CDK17: variants seen among roughly 807,000 people sequenced by gnomAD.
CDK17 encodes the protein cyclin-dependent kinase 17.
CDK17 carries 24 observed loss-of-function variants against 77.6 expected under a neutral mutation model. The ratio of observed to expected loss-of-function variants is 0.31; its 90% CI spans 0.22 to 0.44. The LOEUF is 0.44. Ranked by LOEUF, CDK17 falls within the 20% of genes least tolerant of loss-of-function variation. The pLI, the probability that CDK17 is intolerant of heterozygous loss-of-function variation, is 1.00. For missense variants in CDK17, 429 were observed against 622.5 expected (o/e 0.69, Z 3.31); for synonymous variants, 203 against 210.4 (o/e 0.96, Z 0.30).
intron 1 of CDK17, among the ~76,000 whole-genome samples, chr12:96,394,543 G>A (rs1954133696): frequency 1.3e-5 from 2 of 151,860 alleles, no homozygotes; most frequent in Non-Finnish European, 2.9e-5. Flanking sequence ...GCACGGGTAC[G>A]GTGTCTCATA....
chr12:96,339,301 C>A (rs1009068904), intron 1 of CDK17, among the ~76,000 whole-genome samples: 2 of 151,970 alleles, frequency 1.3e-5, no homozygotes, highest in Non-Finnish European at 1.5e-5. Flanking sequence ...TTGAAAAGTA[C>A]GTAGTCCAAA....
chr12:96,369,493 G>A (rs1455094201), intron 1 of CDK17, among the ~76,000 whole-genome samples: 1 of 151,754 alleles, frequency 6.6e-6, no homozygotes, highest in Non-Finnish European at 1.5e-5. Flanking sequence ...TTAAAAAAAT[G>A]TTGGCTGGGC....
intron 1 of CDK17, among the ~76,000 whole-genome samples, chr12:96,349,416 G>A (rs748999390): frequency 1.3e-5 from 2 of 151,424 alleles, no homozygotes; most frequent in African/African-American, 4.9e-5. Context: ...TTGGGCCATT[G>A]CACTCCAGTC....
intron 3 of CDK17, among the ~76,000 whole-genome samples, chr12:96,318,745 G>A (rs1322389106): frequency 1.4e-5 from 2 of 146,684 alleles, no homozygotes; most frequent in Non-Finnish European, 1.5e-5. Context: ...TGTTCTTTGA[G>A]ACCAACGAGA....
intron 1 of CDK17, among the ~76,000 whole-genome samples, chr12:96,341,359 C>T (rs977232621): frequency 2.0e-5 from 3 of 149,338 alleles, no homozygotes; most frequent in Non-Finnish European, 4.5e-5. Flanking sequence ...CATATATGTA[C>T]GTGTGTGTAC....
intron 5 of CDK17, among the ~76,000 whole-genome samples, chr12:96,302,262 A>G (rs1952517090): frequency 6.6e-6 from 1 of 152,122 alleles, no homozygotes; most frequent in South Asian, 2.1e-4. Flanking sequence ...AAAACATGGC[A>G]AATAGCCCAC....
At chr12:96,366,549 T>G (rs1953585630) in intron 1 of CDK17, among the ~76,000 whole-genome samples, 1 of 152,230 alleles carries the variant, frequency 6.6e-6, no homozygotes, top group Non-Finnish European at 1.5e-5. Context: ...TAAACAGCAC[T>G]GTCCCAAATT....
intron 2 of CDK17, among the ~76,000 whole-genome samples, chr12:96,333,385 C>T (rs1265320992): frequency 6.6e-6 from 1 of 152,060 alleles, no homozygotes; most frequent in Non-Finnish European, 1.5e-5. Flanking sequence ...CAAAACAAGG[C>T]CAGGCGTGGT....
chr12:96,293,129 T>G (rs1181280875), intron 10 of CDK17, among the ~76,000 whole-genome samples: 3 of 152,250 alleles, frequency 2.0e-5, no homozygotes, highest in Non-Finnish European at 4.4e-5. Context: ...GTATGACATT[T>G]TTATGAAAAA....
chr12:96,351,532 A>C (rs561067960), intron 1 of CDK17, among the ~76,000 whole-genome samples: 2 of 152,340 alleles, frequency 1.3e-5, no homozygotes, highest in East Asian at 3.8e-4. Flanking sequence ...AAGGGAACTA[A>C]GTCAGACACA....
At chr12:96,337,019 G>C (rs1459219942) in intron 1 of CDK17, among the ~76,000 whole-genome samples, 1 of 151,902 alleles carries the variant, frequency 6.6e-6, no homozygotes, top group Non-Finnish European at 1.5e-5. Flanking sequence ...ATATGTATAC[G>C]GAAAAAACGT....
chr12:96,354,998 A>G (rs934489498), intron 1 of CDK17, among the ~76,000 whole-genome samples: 1 of 152,102 alleles, frequency 6.6e-6, no homozygotes, highest in Non-Finnish European at 1.5e-5. Flanking sequence ...GAGCAAACAT[A>G]TTAAATCATA....
chr12:96,393,101 A>G (rs1452500049), intron 1 of CDK17, among the ~76,000 whole-genome samples: 8 of 152,192 alleles, frequency 5.3e-5, no homozygotes, highest in African/African-American at 1.9e-4. Flanking sequence ...ACAGTGGCTC[A>G]CACCTGTAAT....
chr12:96,382,666 T>C (rs1234096201), intron 1 of CDK17, among the ~76,000 whole-genome samples: 1 of 152,158 alleles, frequency 6.6e-6, no homozygotes, highest in Non-Finnish European at 1.5e-5. Flanking sequence ...TTCACCATAA[T>C]TAAGTAAGCT....
chr12:96,313,018 A>G (rs1412228350), intron 4 of CDK17, among the ~76,000 whole-genome samples: 3 of 152,218 alleles, frequency 2.0e-5, no homozygotes, highest in Non-Finnish European at 4.4e-5. Flanking sequence ...CTGTATTTCC[A>G]GAATTTTTGA....
At position 96,280,100 on chromosome 12, in the gene CDK17, G is replaced by C; in HGVS notation, c.*142C>G. 1.3e-6 allele frequency: 1 copy of C among 751,850 alleles called. No individual in the cohort carries two copies. The highest frequency in any genetic ancestry group is 2.0e-6 in the Non-Finnish European group (1 of 499,216). 46.6% of individuals were successfully genotyped at this position (751,850 alleles called of 1,614,324 possible). A position where few individuals can be genotyped will look rare whatever the true frequency, so the allele number is the denominator to read the frequency against. Reference sequence around the variant, plus strand: ...AAATATAAAAACAATCTGTAGGTCTGAAATAAAAAGACTCCACTGTGAAGA... The same window carrying C: ...AAATATAAAAACAATCTGTAGGTCTCAAATAAAAAGACTCCACTGTGAAGA... On this transcript the variant is annotated 3_prime_UTR_variant, in exon 17 of 17. Coordinates refer to ENST00000261211, the MANE Select transcript of CDK17 (RefSeq NM_002595.5).
In CDK17 at chr12:96,320,595, G is replaced by A. The variant is rs573561435; in HGVS notation, c.283+3353C>T. ...ACAGTAACCAAAACAGCATGGTACT[G>A]GTACCAAAACAGAGATATAGATCAA... On this transcript the variant is annotated intron_variant, in intron 3 of 16. Transcript: ENST00000261211. Among the ~76,000 whole-genome samples, 30 of 150,912 alleles carry A rather than the reference G, an allele frequency of 2.0e-4. 1 individual carries two copies. The South Asian group carries it at 6.4e-3, about 32-fold the overall frequency.
At chr12:96,388,537 C>T (rs998698650) in intron 1 of CDK17, among the ~76,000 whole-genome samples, 36 of 152,118 alleles carry the variant, frequency 2.4e-4, no homozygotes, top group African/African-American at 7.7e-4. Context: ...AAGCCAGAGA[C>T]GATTTTCATT....
intron 1 of CDK17, among the ~76,000 whole-genome samples, chr12:96,339,031 T>C (rs796174756): frequency 5.3e-5 from 8 of 152,190 alleles, no homozygotes; most frequent in African/African-American, 1.7e-4. Context: ...TATCCGACTA[T>C]ACAGACATCA....
Sources: allele counts gnomAD v4.1 joint callset (sites outside exome capture counted in the v4.1 genomes callset), GRCh38; gene constraint gnomAD v4.1.1; transcripts MANE v1.5; gene names NCBI Gene and HGNC (gene_info 2026-07-23, HGNC 2026-07-21).